Variants in UBR2 observed in about 807,000 individuals in gnomAD.
UBR2 encodes the protein E3 ubiquitin-protein ligase UBR2.
UBR2 carries 92 observed loss-of-function variants against 247.9 expected under a neutral mutation model. The ratio of observed to expected loss-of-function variants is 0.37; its 90% confidence interval spans 0.31 to 0.44. UBR2 has a LOEUF of 0.44. Ranked by LOEUF, UBR2 falls within the 20% of genes least tolerant of loss-of-function variation. The probability of loss-of-function intolerance (pLI) is 1.00; values close to 1 mark genes in which losing one functional copy is unlikely to be tolerated. For synonymous variants in UBR2, 672 were observed against 693.5 expected, an observed-to-expected ratio of 0.97 and a Z score of 0.49; for missense variants, 1,613 against 2,112.6, an observed-to-expected ratio of 0.76 and a Z score of 4.64.
chr6:42,657,438 A>G (rs1183710192), intron 26 of UBR2, among the ~76,000 whole-genome samples: 1 of 152,202 alleles, frequency 6.6e-6, no homozygotes, highest in Admixed American at 6.5e-5. Context: ...ATAGAATATT[A>G]AAGATCACAC....
intron 32 of UBR2, among the ~76,000 whole-genome samples, chr6:42,663,774 T>C (rs1797957991): frequency 6.6e-6 from 1 of 152,104 alleles, no homozygotes; most frequent in Non-Finnish European, 1.5e-5. Context: ...TATAGGACAG[T>C]CTAAAAATCG....
chr6:42,639,792 T>C lies in UBR2; in HGVS notation c.1859-417T>C, dbSNP rs78904164. On this transcript the variant is annotated intron_variant, in intron 15 of 46. Coordinates refer to ENST00000372901, the MANE Select transcript of UBR2 (RefSeq NM_001363705.2). ...GTTTTGATAGCTTTTAAAATGTCAT[T>C]GGTGTGTATTAGTACATACAACTAA... is the stretch of plus-strand genomic sequence containing the variant. 4.5e-3 allele frequency among the ~76,000 whole-genome samples: 684 copies of C among 152,324 alleles called. 3 individuals carry two copies. The highest frequency in any genetic ancestry group is 0.014 in the African/African-American group (566 of 41,570).
chr6:42,613,981 C>T (rs1223691426), intron 8 of UBR2, among the ~76,000 whole-genome samples: 2 of 150,940 alleles, frequency 1.3e-5, no homozygotes, highest in Non-Finnish European at 2.9e-5. Flanking sequence ...TCAAGACCAG[C>T]CTGGCCAACA....
intron 44 of UBR2, among the ~76,000 whole-genome samples, chr6:42,687,196 T>C (rs1402451744): frequency 1.3e-5 from 2 of 152,268 alleles, no homozygotes; most frequent in South Asian, 2.1e-4. Flanking sequence ...CTGGGCAACA[T>C]TGAGCACTGA....
At chr6:42,586,536 CTCT>C (rs1442561329) in intron 2 of UBR2, among the ~76,000 whole-genome samples, 26 of 84,080 alleles carry the variant, frequency 3.1e-4, no homozygotes, top group African/African-American at 1.3e-3. Flanking sequence ...CAGTTTGTCT[CTCT>C]TTTTTTTTTT....
chr6:42,635,863 T>C (rs1468089594), intron 14 of UBR2, among the ~76,000 whole-genome samples: 3 of 152,180 alleles, frequency 2.0e-5, no homozygotes. Flanking sequence ...AAAAATAAAG[T>C]TTTATTATTG....
Position 42,689,572 on chromosome 6 carries a change from A to T in UBR2, c.5028A>T (p.Val1676=). 1 of 1,613,916 alleles carries T rather than the reference A, an allele frequency of 6.2e-7. No homozygotes were observed. Among genetic ancestry groups the T allele is most frequent in the South Asian group, 1.1e-5 (1 of 91,080 alleles). ...CGTATGACTGATCTCTCTACAGAGT[A>T]CGGGAATGTCAGGTGCTATTTTTAG... ...CGSGVGIFLR[V]RECQVLFLAG... The change falls in exon 46 of 47, where the codon GTA becomes GTT. Residue 1676 remains valine (V), a synonymous_variant. Transcript: ENST00000372901. The surrounding 1 kb of genome is among the most constrained non-coding windows in gnomAD (Gnocchi z 4.0).
intron 2 of UBR2, among the ~76,000 whole-genome samples, chr6:42,582,882 G>A (rs1792002360): frequency 6.6e-6 from 1 of 151,326 alleles, no homozygotes; most frequent in Non-Finnish European, 1.5e-5. Context: ...AAGTCAGTGC[G>A]TTTTGGGTAT....
chr6:42,625,767 TTAG>T (rs964561996), intron 11 of UBR2, among the ~76,000 whole-genome samples: 4 of 151,886 alleles, frequency 2.6e-5, no homozygotes, highest in African/African-American at 9.7e-5. Flanking sequence ...TATGTGTTTA[TTAG>T]TTTTTTCAAA....
Position 42,605,714 on chromosome 6 carries a change from C to A in UBR2, c.663-7C>A. 1 of 1,591,054 alleles carries A rather than the reference C, an allele frequency of 6.3e-7. No homozygotes were observed. The highest frequency in any genetic ancestry group is 8.5e-7 in the Non-Finnish European group (1 of 1,173,496). ...AGATAATATATCATGAATATTTTATCACACAGAGAGAAGAGTGACACCTAC... is the reference window on the plus strand; with the variant it reads ...AGATAATATATCATGAATATTTTATAACACAGAGAGAAGAGTGACACCTAC... On this transcript the variant is annotated splice_polypyrimidine_tract_variant and splice_region_variant and intron_variant, in intron 5 of 46. Transcript: ENST00000372901.
intron 22 of UBR2, among the ~76,000 whole-genome samples, chr6:42,650,063 C>A (rs1208101586): frequency 6.6e-6 from 1 of 152,190 alleles, no homozygotes; most frequent in Admixed American, 6.5e-5. Flanking sequence ...ATCACGTTCA[C>A]TTGTCTAGTT....
At chr6:42,589,360 A>G (rs1015053385) in intron 2 of UBR2, among the ~76,000 whole-genome samples, 3 of 152,214 alleles carry the variant, frequency 2.0e-5, no homozygotes, top group South Asian at 2.1e-4. Flanking sequence ...CCTAGCATAC[A>G]TGGGATAAAT....
In UBR2 at chr6:42,670,253, C is replaced by T; in HGVS notation, c.4030+13C>T. On this transcript the variant is annotated intron_variant, in intron 35 of 46. Transcript: ENST00000372901. ...ATCCAAAGCATAGGTAAGAGATTTACAGCTGTTTCTCTATAAGTCACAAGC... is the reference window on the plus strand; with the variant it reads ...ATCCAAAGCATAGGTAAGAGATTTATAGCTGTTTCTCTATAAGTCACAAGC... 2 of 1,610,308 alleles carry T rather than the reference C, an allele frequency of 1.2e-6. No homozygotes were observed. Among genetic ancestry groups the T allele is most frequent in the Non-Finnish European group, 1.7e-6 (2 of 1,177,042 alleles).
intron 26 of UBR2, 84 bp downstream of exon 26, chr6:42,655,807 A>G: frequency 3.8e-6 from 3 of 795,840 alleles, no homozygotes; most frequent in Admixed American, 3.3e-5. Flanking sequence ...ATTTGATCAT[A>G]TAGATTCTAA....
intron 2 of UBR2, among the ~76,000 whole-genome samples, chr6:42,585,790 A>T (rs1482514016): frequency 6.6e-6 from 1 of 152,066 alleles, no homozygotes. Flanking sequence ...TGGTAATAGT[A>T]ATTTGTATTT....
intron 1 of UBR2, among the ~76,000 whole-genome samples, chr6:42,566,503 G>T (rs1289640139): frequency 6.6e-6 from 1 of 152,150 alleles, no homozygotes; most frequent in African/African-American, 2.4e-5. Flanking sequence ...TCCTGCCTCA[G>T]CCTCCCGAAT....
rs1172644229 is a variant in UBR2 at position 42,659,852 on chromosome 6, C to G, written c.3439C>G (p.Pro1147Ala). The change falls in exon 30 of 47, where the codon CCA becomes GCA. Residue 1147 changes from proline (P) to alanine (A), a missense_variant. Coordinates refer to ENST00000372901, the MANE Select transcript of UBR2 (RefSeq NM_001363705.2). This position sits in a 1 kb window ranked among gnomAD's most constrained non-coding sequence, Gnocchi z 4.3. Reference protein sequence around the residue: ...SKNRSKFIQDPEKYDPLFMHP... With the variant: ...SKNRSKFIQDAEKYDPLFMHP... The stretch of plus-strand genomic sequence containing the variant: ...AAACAGAAGTAAATTTATTCAAGAT[C>G]CAGGTAAGTCATAGCTAGATCCTCA... 5 of 1,613,728 alleles carry G rather than the reference C, an allele frequency of 3.1e-6. No individual in the cohort carries two copies. The highest frequency in any genetic ancestry group is 4.2e-6 in the Non-Finnish European group (5 of 1,179,814).
intron 41 of UBR2, 76 bp from the exon 42 acceptor site, chr6:42,679,646 ACT>A: frequency 1.9e-6 from 2 of 1,046,724 alleles, no homozygotes; most frequent in Non-Finnish European, 2.9e-6. Flanking sequence ...TTTTTTTTAA[ACT>A]CTGCTATTGC....
chr6:42,688,174 A>C (rs765588725), intron 44 of UBR2, 42 bp from the exon 45 acceptor site: 2 of 1,613,360 alleles, frequency 1.2e-6, no homozygotes, highest in African/African-American at 2.7e-5. Flanking sequence ...CTCTTTAGCC[A>C]CTCTTTAGAT....
Sources: allele counts gnomAD v4.1 joint callset (sites outside exome capture counted in the v4.1 genomes callset), GRCh38; gene constraint gnomAD v4.1.1; non-coding constraint Gnocchi (gnomAD v3.1); transcripts MANE v1.5; gene names NCBI Gene and HGNC (gene_info 2026-07-23, HGNC 2026-07-21).